Variants in GP6 observed in about 807,000 individuals in gnomAD.
GP6 encodes platelet glycoprotein VI.
Under a neutral mutation model 37.3 loss-of-function variants are expected in GP6, and 45 were observed. The ratio of observed to expected loss-of-function variants is 1.21; its 90% CI spans 0.95 to 1.55. The LOEUF is 1.55. Ranked by LOEUF, GP6 falls within the 40% of genes most tolerant of loss-of-function variation. The pLI, the probability that GP6 is intolerant of heterozygous loss-of-function variation, is 0.00. For synonymous variants in GP6, 340 were observed against 316.4 expected (o/e 1.07, Z -0.79); for missense variants, 813 against 760.2 (o/e 1.07, Z -0.82).
At chr19:55,020,048 C>T (rs1396200026) in intron 5 of GP6, among the ~76,000 whole-genome samples, 1 of 151,812 alleles carries the variant, frequency 6.6e-6, no homozygotes, top group Non-Finnish European at 1.5e-5. Flanking sequence ...CTGATAAATA[C>T]GAAGCTCTTG....
At chr19:55,036,582 C>T (rs1478253264) in intron 1 of GP6, among the ~76,000 whole-genome samples, 1 of 152,054 alleles carries the variant, frequency 6.6e-6, no homozygotes, top group Non-Finnish European at 1.5e-5. Flanking sequence ...AACTGTAGTT[C>T]CAGATACTCA....
chr19:55,030,410 C>T (rs1052027905), intron 3 of GP6, among the ~76,000 whole-genome samples: 8 of 151,822 alleles, frequency 5.3e-5, no homozygotes, highest in African/African-American at 1.9e-4. Context: ...TGCAGTGGTG[C>T]AATCTCGGCT....
rs776301634 is a variant in GP6 at position 55,018,659 on chromosome 19, G to T, written c.717C>A (p.Phe239Leu). Residue 239 changes from phenylalanine to leucine, a missense_variant, in exon 6 of 8, where the codon TTC becomes TTA. By Grantham distance (22) the Phe-to-Leu change is conservative. Coordinates refer to ENST00000310373, the MANE Select transcript of GP6 (RefSeq NM_001083899.2). ...AAATGCCTGGTTACTCACCAGTTGT[G>T]AAGACTTCGTTTGTGAATGAGACGG... is the stretch of plus-strand genomic sequence containing the variant. 3 of 1,589,670 alleles carry T rather than the reference G, an allele frequency of 1.9e-6. No homozygotes were observed. Among genetic ancestry groups the T allele is most frequent in the South Asian group, 1.1e-5 (1 of 90,652 alleles).
chr19:55,024,318 A>ACACGCACATGCACGCACACATGCACG (rs2074209107), intron 5 of GP6, among the ~76,000 whole-genome samples: 4 of 124,046 alleles, frequency 3.2e-5, no homozygotes, highest in African/African-American at 1.1e-4. Flanking sequence ...ATATGCACGC[A>ACACGCACATGCACGCACACATGCACG]CACACACATA....
chr19:55,020,667 G>A (rs1377614564), intron 5 of GP6, among the ~76,000 whole-genome samples: 6 of 152,094 alleles, frequency 3.9e-5, no homozygotes, highest in Non-Finnish European at 7.3e-5. Flanking sequence ...TGTGAATAGT[G>A]CTGCAATGAA....
chr19:55,028,604 A>G (rs1348209897), intron 3 of GP6, among the ~76,000 whole-genome samples: 1 of 152,232 alleles, frequency 6.6e-6, no homozygotes, highest in Non-Finnish European at 1.5e-5. Flanking sequence ...ATCAACTTGT[A>G]CACCTTGGAT....
At chr19:55,015,308 C>T in intron 7 of GP6, 143 bp from the exon 8 acceptor site, 1 of 1,342,904 alleles carries the variant, frequency 7.4e-7, no homozygotes, top group Non-Finnish European at 1.0e-6. Context: ...TCCCTCCCTT[C>T]CCGAGTAGGG....
chr19:55,018,798 C>T, intron 5 of GP6, 87 bp from the exon 6 acceptor site: 1 of 873,186 alleles, frequency 1.1e-6, no homozygotes, highest in Non-Finnish European at 2.0e-6. Context: ...TATCTAGGCT[C>T]CCTGAAACCC....
intron 5 of GP6, among the ~76,000 whole-genome samples, chr19:55,019,314 T>C (rs1196246791): frequency 6.6e-6 from 1 of 151,956 alleles, no homozygotes; most frequent in East Asian, 1.9e-4. Context: ...TTTCACCATG[T>C]TGGCCAGGAT....
Position 55,015,119 on chromosome 19 carries a change from G to A in GP6, c.826C>T (p.Pro276Ser), listed in dbSNP as rs779332945. The A allele has an allele frequency of 6.2e-5, 98 of 1,582,304 alleles. No homozygotes were observed. Among genetic ancestry groups the A allele is most frequent in the Non-Finnish European group, 7.9e-5 (92 of 1,164,094 alleles). Reference sequence around the variant, plus strand: ...GGATTATTAGGATCACAGCCCCGAGGCATATCCGGACCAGGTTGCCCTTGG... The same window carrying A: ...GGATTATTAGGATCACAGCCCCGAGACATATCCGGACCAGGTTGCCCTTGG... The change falls in exon 8 of 8, where the codon CCT (proline) becomes TCT (serine). Residue 276 changes from proline to serine, a missense_variant. Physicochemically the swap from Pro to Ser is moderately conservative, Grantham distance 74. Transcript: ENST00000310373.
At chr19:55,034,210 G>A (rs923535417) in intron 1 of GP6, among the ~76,000 whole-genome samples, 1 of 150,980 alleles carries the variant, frequency 6.6e-6, no homozygotes, top group African/African-American at 2.4e-5. Flanking sequence ...GTACATAAGC[G>A]ATCCCCTCCT....
At chr19:55,032,867 G>GCTCGTTCGTATTAGACACGGTGGA (rs2074623732) in intron 1 of GP6, 1 of 464,800 alleles carries the variant, frequency 2.2e-6, no homozygotes, top group African/African-American at 2.2e-5. Flanking sequence ...GACACGGTGG[G>GCTCGTTCGTATTAGACACGGTGGA]CTCGTTCGTG....
Position 55,015,096 on chromosome 19 carries a change from A to G in GP6, c.849T>C (p.Asn283=). The G allele has an allele frequency of 2.1e-5, 33 of 1,595,366 alleles. No homozygotes were observed. The highest frequency in any genetic ancestry group is 2.8e-5 in the Non-Finnish European group (33 of 1,171,328). The stretch of plus-strand genomic sequence containing the variant: ...GTCCTCTGCCAGAAACCCCGCCAGG[A>G]TTATTAGGATCACAGCCCCGAGGCA... The change falls in exon 8 of 8, where the codon AAT becomes AAC. Residue 283 remains asparagine (N), a synonymous_variant. Coordinates refer to ENST00000310373, the MANE Select transcript of GP6 (RefSeq NM_001083899.2).
chr19:55,034,422 G>GAT (rs1254227497), intron 1 of GP6, among the ~76,000 whole-genome samples: 2 of 152,092 alleles, frequency 1.3e-5, no homozygotes, highest in Admixed American at 1.3e-4. Flanking sequence ...TGGGCATGGT[G>GAT]GCACGTGCCT....
rs755444298 is a variant in GP6, at chr19:55,027,577, C to T, written c.610+1G>A. The T allele has an allele frequency of 3.1e-6, 5 of 1,612,308 alleles. No homozygotes were observed. Among genetic ancestry groups the T allele is most frequent in the Admixed American group, 3.3e-5 (2 of 60,022 alleles). ...AAAGGTTTGGTCTGCACTACCCCTA[C>T]CTGTGACCACAAGCTCCAGGGGGTC... On this transcript the variant is annotated splice_donor_variant, in intron 4 of 7. Coordinates refer to ENST00000310373, the MANE Select transcript of GP6 (RefSeq NM_001083899.2). LOFTEE classifies it high-confidence loss of function.
chr19:55,031,664 C>A (rs1426585423), intron 3 of GP6, among the ~76,000 whole-genome samples: 1 of 152,128 alleles, frequency 6.6e-6, no homozygotes, highest in East Asian at 1.9e-4. Flanking sequence ...CGCCTGAAAT[C>A]CCAACACTTT....
intron 5 of GP6, among the ~76,000 whole-genome samples, chr19:55,022,042 G>C (rs553145302): frequency 2.5e-4 from 38 of 151,902 alleles, no homozygotes; most frequent in African/African-American, 8.2e-4. Flanking sequence ...GTAGATTCTG[G>C]ATATTAGACT....
chr19:55,022,947 T>C (rs550580237), intron 5 of GP6, among the ~76,000 whole-genome samples: 1 of 152,344 alleles, frequency 6.6e-6, no homozygotes, highest in African/African-American at 2.4e-5. Context: ...AAGTAATTTA[T>C]AGATTCATTG....
At chr19:55,024,318 A>ATGCACACACACATGCACG (rs1406352487) in intron 5 of GP6, among the ~76,000 whole-genome samples, 16 of 124,112 alleles carry the variant, frequency 1.3e-4, no homozygotes, top group South Asian at 2.6e-4. Flanking sequence ...ATATGCACGC[A>ATGCACACACACATGCACG]CACACACATA....
Sources: allele counts gnomAD v4.1 joint callset (sites outside exome capture counted in the v4.1 genomes callset), GRCh38; gene constraint gnomAD v4.1.1; transcripts MANE v1.5; gene names NCBI Gene and HGNC (gene_info 2026-07-23, HGNC 2026-07-21).